OR10AG1: variants seen among roughly 807,000 people sequenced by gnomAD.
OR10AG1 encodes olfactory receptor family 10 subfamily AG member 1, also known as olfactory receptor 10AG1.
For missense variants in OR10AG1, 433 were observed against 376.5 expected, an observed-to-expected ratio of 1.15 and a Z score of -1.24; for synonymous variants, 147 against 128.6, an observed-to-expected ratio of 1.14 and a Z score of -0.97.
chr11:55,965,772 C>T lies in OR10AG1; in HGVS notation c.*1786G>A, dbSNP rs367727716. On this transcript the variant is annotated 3_prime_UTR_variant, in exon 2 of 2. Transcript: ENST00000641071. ...TTCTTGTGATCTAACTTTATATTCC[C>T]CATGTAGTAAATATAAATTGTAAAT... 7.6e-4 allele frequency: 116 copies of T among 151,724 alleles called. No homozygotes were observed. Among genetic ancestry groups the T allele is most frequent in the African/African-American group, 2.6e-3 (108 of 41,378 alleles). The allele number at this position is 151,724 out of a possible 1,614,324, so 9.4% of individuals were successfully genotyped here.
In OR10AG1 at chr11:55,968,062, C is replaced by A; in HGVS notation, c.462G>T (p.Gln154His). The A allele has an allele frequency of 6.2e-7, 1 of 1,614,078 alleles. No individual in the cohort carries two copies. Among genetic ancestry groups the A allele is most frequent in the Non-Finnish European group, 8.5e-7 (1 of 1,180,010 alleles). ...PLVMNHKVCI[Q>H]LIIASWTITI... The stretch of plus-strand genomic sequence containing the variant: ...TGATGGTCCAGGAAGCTATTATCAG[C>A]TGAATGCAGACTTTGTGGTTCATCA... The change falls in exon 2 of 2, where the codon CAG becomes CAT. Residue 154 changes from glutamine (Q) to histidine (H), a missense_variant. By Grantham distance (24) the Gln-to-His change is conservative. Transcript: ENST00000641071.
In OR10AG1 at chr11:55,966,292, T is replaced by TATATATATATATATATATATATA. The variant is rs376029198; in HGVS notation, c.*1265_*1266insTATATATATATATATATATATAT. The TATATATATATATATATATATATA allele has an allele frequency of 1.0e-4, 6 of 59,456 alleles. No homozygotes were observed. Among genetic ancestry groups the TATATATATATATATATATATATA allele is most frequent in the African/African-American group, 3.8e-4 (6 of 15,908 alleles). 3.7% of individuals were successfully genotyped at this position (59,456 alleles called of 1,614,324 possible). On this transcript the variant is annotated 3_prime_UTR_variant, in exon 2 of 2. Coordinates refer to ENST00000641071, the MANE Select transcript of OR10AG1 (RefSeq NM_001005491.2). ...AGAATATATATATATATATATATAT[T>TATATATATATATATATATATATA]TTTTTTTTTAAACAGAAGTCAATTT...
Position 55,967,336 on chromosome 11 carries a change from T to A in OR10AG1, c.*222A>T, listed in dbSNP as rs12804486. On this transcript the variant is annotated 3_prime_UTR_variant, in exon 2 of 2. Transcript: ENST00000641071. Reference sequence around the variant, plus strand: ...CTCTTAATCAACAGTTAACCATTGATCTTCAGAATGAGATCTTGGCACCTT... The same window carrying A: ...CTCTTAATCAACAGTTAACCATTGAACTTCAGAATGAGATCTTGGCACCTT... 35,061 of 424,742 alleles carry A rather than the reference T, an allele frequency of 0.083. 1,576 individuals are homozygous for A. The highest frequency in any genetic ancestry group is 0.12 in the African/African-American group (5,886 of 48,808). 26.3% of individuals were successfully genotyped at this position (424,742 alleles called of 1,614,324 possible). A position where few individuals can be genotyped will look rare whatever the true frequency, so the allele number is the denominator to read the frequency against.
At chr11:55,968,810 G>A (rs1297891597) in intron 1 of OR10AG1, among the ~76,000 whole-genome samples, 1 of 152,060 alleles carries the variant, frequency 6.6e-6, no homozygotes, top group Admixed American at 6.5e-5. Flanking sequence ...TAAGAGTAGA[G>A]TTATAGTGTA....
In OR10AG1 at chr11:55,967,905, C is replaced by T; in HGVS notation, c.619G>A (p.Glu207Lys). 1.2e-6 allele frequency: 2 copies of T among 1,614,090 alleles called. No individual in the cohort carries two copies. The highest frequency in any genetic ancestry group is 1.7e-6 in the Non-Finnish European group (2 of 1,179,974). ...KLACGNIFVN[E>K]ITVHVVAVVF... ...ACCGCTACTACATGGACTGTTATCT[C>T]ATTCACAAATATGTTTCCACAAGCA... Residue 207 changes from glutamate (E) to lysine (K), a missense_variant, in exon 2 of 2, where the codon GAG becomes AAG. Physicochemically the swap from Glu to Lys is moderately conservative, Grantham distance 56. Coordinates refer to ENST00000641071, the MANE Select transcript of OR10AG1 (RefSeq NM_001005491.2).
rs1852712102 is a variant in OR10AG1 at position 55,968,347 on chromosome 11, T to C, written c.177A>G (p.Leu59=). The change falls in exon 2 of 2, where the codon CTA becomes CTG. Residue 59 remains leucine (L), a synonymous_variant. Coordinates refer to ENST00000641071, the MANE Select transcript of OR10AG1 (RefSeq NM_001005491.2). ...TCTGGAGAGCGGGGTGAATTTTTAT[T>C]AGTAGTATTATGATGCCATTGCACA... ...ILMCNGIIIL[L]IKIHPALQTP... 6 of 1,611,870 alleles carry C rather than the reference T, an allele frequency of 3.7e-6. No homozygotes were observed. The highest frequency in any genetic ancestry group is 3.3e-5 in the Admixed American group (2 of 59,986).
chr11:55,969,184 A>AT (rs955129505), intron 1 of OR10AG1, among the ~76,000 whole-genome samples: 18 of 151,346 alleles, frequency 1.2e-4, no homozygotes, highest in Admixed American at 8.6e-4. Context: ...ATTCATCACA[A>AT]TTTTTTTTAC....
chr11:55,966,811 A>C lies in OR10AG1; in HGVS notation c.*747T>G, dbSNP rs1244964231. 6.6e-6 allele frequency: 1 copy of C among 152,092 alleles called. No individual in the cohort carries two copies. The highest frequency in any genetic ancestry group is 1.5e-5 in the Non-Finnish European group (1 of 68,012). The allele number at this position is 152,092 out of a possible 1,614,324, so 9.4% of individuals were successfully genotyped here. On this transcript the variant is annotated 3_prime_UTR_variant, in exon 2 of 2. Coordinates refer to ENST00000641071, the MANE Select transcript of OR10AG1 (RefSeq NM_001005491.2). ...AACCTAAATCATGGTACTTTCATTTACAATCTTTAGCTTCACTATAGCTGA... is the reference window on the plus strand; with the variant it reads ...AACCTAAATCATGGTACTTTCATTTCCAATCTTTAGCTTCACTATAGCTGA...
At chr11:55,969,184 AT>A (rs955129505) in intron 1 of OR10AG1, among the ~76,000 whole-genome samples, 96 of 151,462 alleles carry the variant, frequency 6.3e-4, no homozygotes, top group African/African-American at 2.0e-3. Flanking sequence ...ATTCATCACA[AT>A]TTTTTTTACA....
intron 1 of OR10AG1, among the ~76,000 whole-genome samples, chr11:55,969,119 T>C (rs891730503): frequency 6.6e-6 from 1 of 152,136 alleles, no homozygotes; most frequent in Non-Finnish European, 1.5e-5. Flanking sequence ...GTTATTGCCC[T>C]GAATACAGTG....
In OR10AG1 at chr11:55,967,798, G is replaced by A. The variant is rs759843764; in HGVS notation, c.726C>T (p.Ala242=). The change falls in exon 2 of 2, where the codon GCC becomes GCT. Residue 242 remains alanine (A), a synonymous_variant. Coordinates refer to ENST00000641071, the MANE Select transcript of OR10AG1 (RefSeq NM_001005491.2). ...IISNILKLSS[A]RGKAKAFSTC... ...TGGAGAAGGCTTTAGCCTTTCCTCT[G>A]GCTGATGACAATTTCAAAATGTTGG... is the stretch of plus-strand genomic sequence containing the variant. 2 of 1,613,936 alleles carry A rather than the reference G, an allele frequency of 1.2e-6. No individual in the cohort carries two copies. Among genetic ancestry groups the A allele is most frequent in the Non-Finnish European group, 1.7e-6 (2 of 1,179,896 alleles).
intron 1 of OR10AG1, among the ~76,000 whole-genome samples, chr11:55,968,915 G>A (rs927552839): frequency 3.3e-5 from 5 of 151,868 alleles, no homozygotes; most frequent in Non-Finnish European, 5.9e-5. Flanking sequence ...TGAATATTAC[G>A]ATTAATTCAT....
rs1490130091 is a variant in OR10AG1, at chr11:55,966,673, C to T, written c.*885G>A. 6.6e-6 allele frequency: 1 copy of T among 152,084 alleles called. No homozygotes were observed. Among genetic ancestry groups the T allele is most frequent in the Non-Finnish European group, 1.5e-5 (1 of 68,052 alleles). 9.4% of individuals were successfully genotyped at this position (152,084 alleles called of 1,614,324 possible). ...GTTTGTGGTTGAATCATTCCAGTCT[C>T]TGCCTTCACCTTTACATGATGTCCT... On this transcript the variant is annotated 3_prime_UTR_variant, in exon 2 of 2. Transcript: ENST00000641071.
chr11:55,967,994 A>C lies in OR10AG1; in HGVS notation c.530T>G (p.Leu177Trp). 6.2e-7 allele frequency: 1 copy of C among 1,614,088 alleles called. No homozygotes were observed. ...AATTGTGTTAGTTCCGCAAAAGGGCAAAAGGAAAATTTGGCATGTTTCCCC... is the reference window on the plus strand; with the variant it reads ...AATTGTGTTAGTTCCGCAAAAGGGCCAAAGGAAAATTTGGCATGTTTCCCC... ...VIGETCQIFL[L>W]PFCGTNTINH... The change falls in exon 2 of 2, where the codon TTG (leucine) becomes TGG (tryptophan). Residue 177 changes from leucine to tryptophan, a missense_variant. Physicochemically the swap from Leu to Trp is moderately conservative, Grantham distance 61 (BLOSUM62 -2). Coordinates refer to ENST00000641071, the MANE Select transcript of OR10AG1 (RefSeq NM_001005491.2).
rs370375009 is a variant in OR10AG1 at position 55,967,841 on chromosome 11, G to C, written c.683C>G (p.Ser228Cys). 4 of 1,613,954 alleles carry C rather than the reference G, an allele frequency of 2.5e-6. No individual in the cohort carries two copies. The highest frequency in any genetic ancestry group is 3.4e-6 in the Non-Finnish European group (4 of 1,179,998). ...AATGTTGGAGATAATTTTGCCATAA[G>C]AGACAACAATCAACAGAAATGGCAC... ...ITVPFLLIVV[S>C]YGKIISNILK... The change falls in exon 2 of 2, where the codon TCT becomes TGT. Residue 228 changes from serine to cysteine, a missense_variant. Transcript: ENST00000641071.
Position 55,967,936 on chromosome 11 carries a change from G to A in OR10AG1, c.588C>T (p.Leu196=), listed in dbSNP as rs1248005928. 1.9e-6 allele frequency: 3 copies of A among 1,614,104 alleles called. No individual in the cohort carries two copies. The East Asian group carries it at 6.7e-5, about 36-fold the overall frequency. ...NHFFCDIPPI[L]KLACGNIFVN... ...CAAATATGTTTCCACAAGCAAGCTT[G>A]AGTATTGGCGGGATGTCACAAAAGA... The change falls in exon 2 of 2, where the codon CTC becomes CTT. Residue 196 remains leucine, a synonymous_variant. Transcript: ENST00000641071.
At chr11:55,969,025 G>A (rs1852719344) in intron 1 of OR10AG1, among the ~76,000 whole-genome samples, 2 of 151,854 alleles carry the variant, frequency 1.3e-5, no homozygotes, top group African/African-American at 2.4e-5. Context: ...ATGCATTATT[G>A]TTGCTCTACT....
intron 1 of OR10AG1, among the ~76,000 whole-genome samples, chr11:55,969,417 T>C (rs1297472755): frequency 6.6e-6 from 1 of 152,070 alleles, no homozygotes; most frequent in African/African-American, 2.4e-5. Context: ...AAACACACTG[T>C]CTTGCTTCAC....
Position 55,969,896 on chromosome 11 carries a change from AG to A in OR10AG1, c.11del (p.Pro4LeufsTer14). 1.3e-5 allele frequency: 5 copies of A among 398,254 alleles called. No homozygotes were observed. Among genetic ancestry groups the A allele is most frequent in the Non-Finnish European group, 2.2e-5 (5 of 225,936 alleles). The allele number at this position is 398,254 out of a possible 1,614,324, so 24.7% of individuals were successfully genotyped here. ...GTCAACCCAATTATGGCTTACCTTTAGGGATTTGCATGAAGCTGTCTGTACA... is the reference window on the plus strand; with the variant it reads ...GTCAACCCAATTATGGCTTACCTTTAGGATTTGCATGAAGCTGTCTGTACA... MQI[P>X]KDGEQTKREK... On this transcript the variant is annotated frameshift_variant, in exon 1 of 2. Coordinates refer to ENST00000641071, the MANE Select transcript of OR10AG1 (RefSeq NM_001005491.2). LOFTEE classifies it low-confidence loss of function (END_TRUNC).
Sources: gnomAD v4.1 joint callset for allele counts (sites outside exome capture counted in the v4.1 genomes callset) on GRCh38, gnomAD v4.1.1 for gene constraint, MANE v1.5 for transcripts, NCBI Gene and HGNC (gene_info 2026-07-23, HGNC 2026-07-21) for gene names.